ELP3: variants seen among roughly 807,000 people sequenced by gnomAD.
ELP3 encodes elongator complex protein 3.
ELP3 carries 56 observed loss-of-function variants against 74.9 expected under a neutral mutation model. The observed-to-expected ratio is 0.75, with a 90% confidence interval of 0.60 to 0.93. The LOEUF is 0.93. Ranked by LOEUF, ELP3 falls within the 40% of genes least tolerant of loss-of-function variation. ELP3 has a pLI of 0.00. For synonymous variants in ELP3, 222 were observed against 239.8 expected, an observed-to-expected ratio of 0.93 and a Z score of 0.68; for missense variants, 573 against 686.5, an observed-to-expected ratio of 0.83 and a Z score of 1.85.
chr8:28,092,779 T>C (rs1002258556), upstream of ELP3: 17 of 253,210 alleles, frequency 6.7e-5, no homozygotes, highest in African/African-American at 3.7e-4. Flanking sequence ...GTCTCGCCCA[T>C]TCGCGTTCCC....
At chr8:28,104,671 T>C (rs1039050557) in intron 3 of ELP3, among the ~76,000 whole-genome samples, 2 of 152,228 alleles carry the variant, frequency 1.3e-5, no homozygotes, top group Admixed American at 6.5e-5. Context: ...AGGTTACGCG[T>C]CTTTGGCCCG....
rs1563245712 is a variant in ELP3, at chr8:28,099,924, G to A, written c.216G>A (p.Leu72=). ...TCCCTCCTCAGTATCGCAAGGTCTT[G>A]ATGCCCAAGTTAAAGGCGAAACCCA... is the stretch of plus-strand genomic sequence containing the variant. ...AAVPPQYRKV[L]MPKLKAKPIR... is the part of the protein sequence containing the mutation. The change falls in exon 3 of 15, where the codon TTG becomes TTA. Residue 72 remains leucine (L), a synonymous_variant. Coordinates refer to ENST00000256398, the MANE Select transcript of ELP3 (RefSeq NM_018091.6). 6.2e-7 allele frequency: 1 copy of A among 1,614,216 alleles called. No homozygotes were observed. Among genetic ancestry groups the A allele is most frequent in the Non-Finnish European group, 8.5e-7 (1 of 1,180,040 alleles).
At chr8:28,156,931 A>G (rs1813849809) in intron 11 of ELP3, among the ~76,000 whole-genome samples, 1 of 152,226 alleles carries the variant, frequency 6.6e-6, no homozygotes, top group Non-Finnish European at 1.5e-5. Context: ...CCAAAAAAAA[A>G]GTGAACAATT....
intron 12 of ELP3, 99 bp from the exon 13 acceptor site, chr8:28,160,130 C>A: frequency 1.9e-6 from 2 of 1,044,746 alleles, no homozygotes; most frequent in Non-Finnish European, 2.8e-6. Context: ...CATTCCTTAT[C>A]CCTAACTAGA....
intron 14 of ELP3, among the ~76,000 whole-genome samples, chr8:28,174,417 CTT>C (rs1386961897): frequency 1.5e-4 from 23 of 152,060 alleles, no homozygotes; most frequent in African/African-American, 4.3e-4. Flanking sequence ...CTCTATGACT[CTT>C]TTGGTTATTA....
At chr8:28,128,093 T>A (rs941043623) in intron 7 of ELP3, among the ~76,000 whole-genome samples, 2 of 151,984 alleles carry the variant, frequency 1.3e-5, no homozygotes, top group African/African-American at 4.8e-5. Flanking sequence ...AAATGGGAAA[T>A]TTTTTTTAAA....
At chr8:28,152,792 C>T (rs755763795) in intron 10 of ELP3, among the ~76,000 whole-genome samples, 1 of 152,098 alleles carries the variant, frequency 6.6e-6, no homozygotes, top group Non-Finnish European at 1.5e-5. Context: ...GGTGACAGAG[C>T]GAGACTCCAT....
chr8:28,099,962 G>A lies in ELP3; in HGVS notation c.254G>A (p.Ser85Asn). The change falls in exon 3 of 15, where the codon AGT (serine) becomes AAT (asparagine). Residue 85 changes from serine (S) to asparagine (N), a missense_variant. By Grantham distance (46) the Ser-to-Asn change is conservative. Transcript: ENST00000256398. ...AAGGCGAAACCCATCAGAACTGCTA[G>A]TGGGGTGAGTGATTCGACTCATGAG... ...KLKAKPIRTA[S>N]GIAVVAVMCK... The A allele has an allele frequency of 3.1e-6, 5 of 1,614,166 alleles. No homozygotes were observed. Among genetic ancestry groups the A allele is most frequent in the Non-Finnish European group, 4.2e-6 (5 of 1,180,024 alleles).
intron 7 of ELP3, among the ~76,000 whole-genome samples, chr8:28,125,688 G>C (rs1311216693): frequency 6.6e-6 from 1 of 150,642 alleles, no homozygotes; most frequent in African/African-American, 2.4e-5. Flanking sequence ...ATAGAAACAT[G>C]CTTCCCAAGA....
intron 13 of ELP3, among the ~76,000 whole-genome samples, chr8:28,161,136 G>A (rs1416486287): frequency 6.6e-6 from 1 of 152,172 alleles, no homozygotes; most frequent in Non-Finnish European, 1.5e-5. Context: ...ATACATAGGG[G>A]AACCCTATTC....
chr8:28,115,631 G>A (rs372954991), intron 7 of ELP3, among the ~76,000 whole-genome samples: 179 of 152,264 alleles, frequency 1.2e-3, no homozygotes, highest in African/African-American at 4.2e-3. Flanking sequence ...CTGTTTTATG[G>A]GTGAGGAAGC....
intron 7 of ELP3, among the ~76,000 whole-genome samples, chr8:28,123,671 A>T (rs534002009): frequency 6.6e-6 from 1 of 152,312 alleles, no homozygotes; most frequent in East Asian, 1.9e-4. Flanking sequence ...TTTTTACTGA[A>T]TGTATTTTGT....
chr8:28,182,413 T>G (rs1466242574), intron 14 of ELP3, among the ~76,000 whole-genome samples: 1 of 151,896 alleles, frequency 6.6e-6, no homozygotes, highest in African/African-American at 2.4e-5. Context: ...TACAAAAAAT[T>G]AGCTGGGTGT....
chr8:28,160,471 A>G lies in ELP3; in HGVS notation c.1485+15A>G. ...TTCAGCATCAGGTATCCTGTATTCCATTTCTATTTGACTTCTAAGAAACTG... is the reference window on the plus strand; with the variant it reads ...TTCAGCATCAGGTATCCTGTATTCCGTTTCTATTTGACTTCTAAGAAACTG... On this transcript the variant is annotated intron_variant, in intron 13 of 14. Coordinates refer to ENST00000256398, the MANE Select transcript of ELP3 (RefSeq NM_018091.6). 1 of 1,605,518 alleles carries G rather than the reference A, an allele frequency of 6.2e-7. No homozygotes were observed. The highest frequency in any genetic ancestry group is 8.5e-7 in the Non-Finnish European group (1 of 1,174,984).
chr8:28,127,241 G>A (rs1355198342), intron 7 of ELP3, among the ~76,000 whole-genome samples: 2 of 152,096 alleles, frequency 1.3e-5, no homozygotes, highest in Non-Finnish European at 2.9e-5. Context: ...CTCTGCAATA[G>A]GAAGACTAGC....
intron 11 of ELP3, 133 bp downstream of exon 11, chr8:28,156,165 A>T: frequency 1.4e-6 from 1 of 708,896 alleles, no homozygotes; most frequent in South Asian, 1.6e-5. Context: ...TGTTGAAAGC[A>T]TAGTCACTGA....
chr8:28,181,558 T>C (rs1815010904), intron 14 of ELP3, among the ~76,000 whole-genome samples: 1 of 152,212 alleles, frequency 6.6e-6, no homozygotes, highest in Admixed American at 6.5e-5. Flanking sequence ...CAAAGGACAT[T>C]GAAAAACTGG....
chr8:28,106,642 G>A (rs1811708284), intron 3 of ELP3, 71 bp from the exon 4 acceptor site: 3 of 1,317,998 alleles, frequency 2.3e-6, no homozygotes, highest in Middle Eastern at 1.9e-4. Context: ...TTCCTTCCGA[G>A]GGATAAGCAC....
intron 14 of ELP3, among the ~76,000 whole-genome samples, chr8:28,188,722 T>A (rs2130628204): frequency 6.6e-6 from 1 of 152,304 alleles, no homozygotes; most frequent in South Asian, 2.1e-4. Flanking sequence ...TATCCTGTAA[T>A]AAACTGGTAA....
Sources: gnomAD v4.1 joint callset for allele counts (sites outside exome capture counted in the v4.1 genomes callset) on GRCh38, gnomAD v4.1.1 for gene constraint, MANE v1.5 for transcripts, NCBI Gene and HGNC (gene_info 2026-07-23, HGNC 2026-07-21) for gene names.